Variants in ZEB1 observed in about 807,000 individuals in gnomAD.
ZEB1 encodes the protein zinc finger E-box binding homeobox 1.
Under a neutral mutation model 84.9 loss-of-function variants are expected in ZEB1, and 21 were observed. The ratio of observed to expected loss-of-function variants is 0.25; its 90% confidence interval spans 0.18 to 0.36. ZEB1 has a LOEUF of 0.36. ZEB1 is among the 10% of genes least tolerant of loss of function. ZEB1 has a pLI of 1.00. For synonymous variants in ZEB1, 420 were observed against 471.1 expected (o/e 0.89, Z 1.41); for missense variants, 1,104 against 1,330.2 (o/e 0.83, Z 2.65).
chr10:31,387,013 A>G (rs1244675563), intron 1 of ZEB1: 38 of 833,676 alleles, frequency 4.6e-5, no homozygotes, highest in Non-Finnish European at 5.5e-5. Context: ...AAGAATACTC[A>G]TGATTTTATC....
chr10:31,454,465 G>A (rs1306265424), intron 1 of ZEB1, among the ~76,000 whole-genome samples: 1 of 152,156 alleles, frequency 6.6e-6, no homozygotes. Flanking sequence ...AATAGGAAGA[G>A]AGGAAGTCAG....
chr10:31,504,616 T>C (rs1041258089), intron 4 of ZEB1, among the ~76,000 whole-genome samples: 5 of 152,044 alleles, frequency 3.3e-5, no homozygotes, highest in Non-Finnish European at 7.4e-5. Context: ...TACTTGTGTC[T>C]TCTTCAATTT....
intron 6 of ZEB1, among the ~76,000 whole-genome samples, chr10:31,515,534 A>T (rs1430683602): frequency 6.6e-6 from 1 of 152,108 alleles, no homozygotes; most frequent in Admixed American, 6.6e-5. Context: ...TGTGAAAATT[A>T]TGTATTGACA....
At chr10:31,474,808 A>T (rs1448078106) in intron 2 of ZEB1, among the ~76,000 whole-genome samples, 4 of 152,098 alleles carry the variant, frequency 2.6e-5, no homozygotes, top group Non-Finnish European at 5.9e-5. Flanking sequence ...CTTGGAACCA[A>T]CCCAAATGTC....
chr10:31,320,878 C>G (rs111780250), intron 1 of ZEB1, among the ~76,000 whole-genome samples: 6 of 152,120 alleles, frequency 3.9e-5, no homozygotes, highest in East Asian at 1.9e-4. Flanking sequence ...TGCGCCGCCC[C>G]GGTACCTGTT....
chr10:31,521,238 G>A lies in ZEB1; in HGVS notation c.1906G>A (p.Gly636Arg), dbSNP rs151017318. 2 of 1,614,066 alleles carry A rather than the reference G, an allele frequency of 1.2e-6. No individual in the cohort carries two copies. Among genetic ancestry groups the A allele is most frequent in the Non-Finnish European group, 1.7e-6 (2 of 1,179,998 alleles). Reference sequence around the variant, plus strand: ...AAAGTGGTTTGAAAAGATGCAAGCTGGACAGATTTCAGTGCAGTCTTCTGA... The same window carrying A: ...AAAGTGGTTTGAAAAGATGCAAGCTAGACAGATTTCAGTGCAGTCTTCTGA... ...VKKWFEKMQA[G>R]QISVQSSEPS... Residue 636 changes from glycine to arginine, a missense_variant, in exon 7 of 9, where the codon GGA becomes AGA. This residue lies in a region of ZEB1 where 531 missense variants were observed against 575.2 expected (regional missense o/e 0.92). Transcript: ENST00000424869.
At chr10:31,325,510 G>A (rs897508492) in intron 1 of ZEB1, among the ~76,000 whole-genome samples, 3 of 152,030 alleles carry the variant, frequency 2.0e-5, no homozygotes, top group Non-Finnish European at 2.9e-5. Context: ...CTTGGTACAT[G>A]GAGGTTGAGG....
At chr10:31,346,361 G>GT (rs2040311475) in intron 1 of ZEB1, among the ~76,000 whole-genome samples, 1 of 152,126 alleles carries the variant, frequency 6.6e-6, no homozygotes, top group Non-Finnish European at 1.5e-5. Flanking sequence ...AAGAATATGA[G>GT]TTGTTGATAC....
intron 3 of ZEB1, among the ~76,000 whole-genome samples, chr10:31,498,688 A>G (rs1281653510): frequency 6.6e-6 from 1 of 152,052 alleles, no homozygotes; most frequent in African/African-American, 2.4e-5. Flanking sequence ...TTTCTGGCAG[A>G]GTAAAACATT....
At chr10:31,487,484 C>T (rs1376415295) in intron 2 of ZEB1, among the ~76,000 whole-genome samples, 3 of 151,314 alleles carry the variant, frequency 2.0e-5, no homozygotes, top group African/African-American at 7.3e-5. Flanking sequence ...GTTAAATTTA[C>T]ACCTATATAT....
intron 1 of ZEB1, among the ~76,000 whole-genome samples, chr10:31,328,432 C>T (rs1360607170): frequency 6.6e-6 from 1 of 152,160 alleles, no homozygotes; most frequent in Non-Finnish European, 1.5e-5. Context: ...GTTTTCAACA[C>T]ATGTTCATTT....
chr10:31,401,098 T>A (rs2135484443), intron 1 of ZEB1, among the ~76,000 whole-genome samples: 1 of 152,320 alleles, frequency 6.6e-6, no homozygotes, highest in East Asian at 1.9e-4. Context: ...TATAACTTCT[T>A]GCATTTGCCT....
At chr10:31,444,460 T>C (rs2059489322) in intron 1 of ZEB1, among the ~76,000 whole-genome samples, 1 of 152,042 alleles carries the variant, frequency 6.6e-6, no homozygotes, top group Non-Finnish European at 1.5e-5. Context: ...GCCATTGCTT[T>C]TGGTGTTTTA....
intron 1 of ZEB1, among the ~76,000 whole-genome samples, chr10:31,337,543 A>G (rs1428394808): frequency 6.6e-6 from 1 of 152,090 alleles, no homozygotes; most frequent in African/African-American, 2.4e-5. Flanking sequence ...GGGGGAACTC[A>G]GTATTTGCCA....
chr10:31,421,834 A>G (rs1474260439), intron 1 of ZEB1, among the ~76,000 whole-genome samples: 1 of 152,096 alleles, frequency 6.6e-6, no homozygotes, highest in Non-Finnish European at 1.5e-5. Context: ...AAACTGATTT[A>G]TTAATTTTCT....
At chr10:31,443,114 A>G (rs1204679441) in intron 1 of ZEB1, among the ~76,000 whole-genome samples, 1 of 152,156 alleles carries the variant, frequency 6.6e-6, no homozygotes, top group Non-Finnish European at 1.5e-5. Context: ...TAAGATTAAA[A>G]TGGATATTTC....
intron 1 of ZEB1, among the ~76,000 whole-genome samples, chr10:31,322,670 A>G (rs2034430990): frequency 6.6e-6 from 1 of 152,010 alleles, no homozygotes; most frequent in Admixed American, 6.6e-5. Flanking sequence ...TACCATTTAT[A>G]ATTTCATGCT....
chr10:31,350,927 T>C (rs1465748760), intron 1 of ZEB1, among the ~76,000 whole-genome samples: 1 of 152,186 alleles, frequency 6.6e-6, no homozygotes, highest in African/African-American at 2.4e-5. Context: ...TGATAAATTG[T>C]TAGAGTTAGA....
In ZEB1 at chr10:31,527,188, G is replaced by A. The variant is rs1205084569; in HGVS notation, c.3302G>A (p.Ser1101Asn). The A allele has an allele frequency of 1.9e-6, 3 of 1,611,666 alleles. No individual in the cohort carries two copies. Among genetic ancestry groups the A allele is most frequent in the African/African-American group, 2.7e-5 (2 of 74,794 alleles). ...CTGATGAAGGATGACAGGGCTGAAAGTCAAGCAAGCAGCTTAGGACAAAAA... is the reference window on the plus strand; with the variant it reads ...CTGATGAAGGATGACAGGGCTGAAAATCAAGCAAGCAGCTTAGGACAAAAA... ...EGLMKDDRAE[S>N]QASSLGQKVG... is the part of the protein sequence containing the mutation. Residue 1101 changes from serine (S) to asparagine (N), a missense_variant, in exon 9 of 9, where the codon AGT becomes AAT. By Grantham distance (46) the Ser-to-Asn change is conservative. Coordinates refer to ENST00000424869, the MANE Select transcript of ZEB1 (RefSeq NM_001174096.2).
Sources: gnomAD v4.1 joint callset for allele counts (sites outside exome capture counted in the v4.1 genomes callset) on GRCh38, gnomAD v4.1.1 for gene constraint, gnomAD v4.1.1 regional missense constraint, MANE v1.5 for transcripts, NCBI Gene and HGNC (gene_info 2026-07-23, HGNC 2026-07-21) for gene names.